Variants in TTC39B observed in about 807,000 individuals in gnomAD.
TTC39B encodes tetratricopeptide repeat protein 39B.
In TTC39B, 92 loss-of-function variants were observed where a neutral mutation model predicts 96.6. The observed-to-expected ratio is 0.95, with a 90% CI of 0.80 to 1.13. The LOEUF is 1.13. Ranked by LOEUF, TTC39B falls within the 50% of genes most tolerant of loss-of-function variation. The pLI, the probability that TTC39B is intolerant of heterozygous loss-of-function variation, is 0.00. For missense variants in TTC39B, 955 were observed against 809.3 expected, an observed-to-expected ratio of 1.18 and a Z score of -2.18; for synonymous variants, 367 against 299.4, an observed-to-expected ratio of 1.23 and a Z score of -2.33.
intron 1 of TTC39B, among the ~76,000 whole-genome samples, chr9:15,301,600 C>CA (rs1396728538): frequency 6.6e-6 from 1 of 151,714 alleles, no homozygotes; most frequent in Non-Finnish European, 1.5e-5. Flanking sequence ...ATTAAAAATA[C>CA]AAAAAATTGG....
At chr9:15,218,573 T>C (rs1820656744) in intron 3 of TTC39B, among the ~76,000 whole-genome samples, 2 of 145,816 alleles carry the variant, frequency 1.4e-5, no homozygotes, top group African/African-American at 2.6e-5. Context: ...TGACGACTCC[T>C]CATGTTTCTA....
intron 2 of TTC39B, among the ~76,000 whole-genome samples, chr9:15,228,834 G>C (rs4272489): frequency 0.089 from 13,613 of 152,180 alleles, 1,354 homozygotes; most frequent in East Asian, 0.59. Flanking sequence ...TGGCACAACA[G>C]ACTTGACTTT....
intron 1 of TTC39B, among the ~76,000 whole-genome samples, chr9:15,277,557 GCCAACACAGTGAGACATTGC>G (rs1172543321): frequency 2.0e-4 from 31 of 151,934 alleles, no homozygotes; most frequent in African/African-American, 7.3e-4. Flanking sequence ...TGAGACCTTG[GCCAACACAGTGAGACATTGC>G]CCAACACAGT....
intron 6 of TTC39B, among the ~76,000 whole-genome samples, chr9:15,206,676 A>C (rs1487022094): frequency 6.6e-6 from 1 of 152,192 alleles, no homozygotes; most frequent in East Asian, 1.9e-4. Flanking sequence ...AAATAAGCTA[A>C]GTTTATTTAG....
chr9:15,177,963 G>A (rs538151226), intron 17 of TTC39B, 149 bp from the exon 18 acceptor site: 38 of 460,830 alleles, frequency 8.2e-5, no homozygotes, highest in African/African-American at 4.6e-4. Context: ...TCCGTCTCCC[G>A]GGTTCACGCC....
intron 2 of TTC39B, among the ~76,000 whole-genome samples, chr9:15,242,412 T>A (rs1243106750): frequency 6.6e-6 from 1 of 152,152 alleles, no homozygotes; most frequent in East Asian, 1.9e-4. Flanking sequence ...GGAGACCCCA[T>A]CTCTACAAAA....
At chr9:15,263,778 C>T (rs1389600953) in intron 2 of TTC39B, among the ~76,000 whole-genome samples, 1 of 152,136 alleles carries the variant, frequency 6.6e-6, no homozygotes, top group Non-Finnish European at 1.5e-5. Flanking sequence ...TGATTTTGGG[C>T]TCTATCTCTC....
rs141411377 is a variant in TTC39B, at chr9:15,192,646, C to T, written c.874G>A (p.Glu292Lys). 9.9e-6 allele frequency: 16 copies of T among 1,613,940 alleles called. No homozygotes were observed. The African/African-American group carries it at 1.7e-4, about 18-fold the overall frequency. ...CCCCCTTCAAACTCATAGAAGAATT[C>T]CTGCTGAAGTTTGTTCTTCTGAATT... Residue 292 changes from glutamate (E) to lysine (K), a missense_variant, in exon 9 of 20, where the codon GAA (glutamate) becomes AAA (lysine). Glu to Lys is a moderately conservative substitution (Grantham distance 56). Transcript: ENST00000512701.
intron 3 of TTC39B, among the ~76,000 whole-genome samples, chr9:15,222,628 T>C (rs745664318): frequency 1.9e-4 from 29 of 152,212 alleles, no homozygotes; most frequent in Non-Finnish European, 3.2e-4. Flanking sequence ...TGTGTAATTC[T>C]GGGATTTCCC....
At chr9:15,250,054 C>A in intron 2 of TTC39B, 1 of 1,283,464 alleles carries the variant, frequency 7.8e-7, no homozygotes, top group Non-Finnish European at 1.0e-6. Context: ...AACAAAAATC[C>A]TCAATTTCTA....
rs1406923593 is a variant in TTC39B at position 15,214,360 on chromosome 9, GTC to G, written c.372-113_372-112del. The stretch of plus-strand genomic sequence containing the variant: ...TGTGTGTGTGTGTCTGTGTGTGTGT[GTC>G]TGTGTGTGTGTCTGTGTGTGGATTC... On this transcript the variant is annotated intron_variant, in intron 3 of 19. Transcript: ENST00000512701. 730 of 702,010 alleles carry G rather than the reference GTC, an allele frequency of 1.0e-3. 4 individuals carry two copies. The highest frequency in any genetic ancestry group is 4.2e-3 in the East Asian group (146 of 34,480). 43.5% of individuals were successfully genotyped at this position (702,010 alleles called of 1,614,324 possible). A position where few individuals can be genotyped will look rare whatever the true frequency, so the allele number is the denominator to read the frequency against.
At chr9:15,187,884 A>C in intron 14 of TTC39B, 87 bp downstream of exon 14, 1 of 1,363,820 alleles carries the variant, frequency 7.3e-7, no homozygotes, top group Non-Finnish European at 9.8e-7. Flanking sequence ...CTGTGGTATC[A>C]TACTACTGAG....
intron 2 of TTC39B, among the ~76,000 whole-genome samples, chr9:15,234,611 T>C (rs1167960749): frequency 1.3e-5 from 2 of 152,050 alleles, no homozygotes; most frequent in Non-Finnish European, 2.9e-5. Context: ...GGGAAAAGAT[T>C]GAGAAATCGG....
chr9:15,182,496 GT>G (rs1458290545), intron 16 of TTC39B, 81 bp from the exon 17 acceptor site: 3 of 964,882 alleles, frequency 3.1e-6, no homozygotes, highest in Non-Finnish European at 4.6e-6. Flanking sequence ...ATGTTCATGT[GT>G]TTTGCTTCGG....
intron 15 of TTC39B, among the ~76,000 whole-genome samples, chr9:15,186,335 A>G (rs1818523244): frequency 1.3e-5 from 2 of 152,172 alleles, no homozygotes; most frequent in Admixed American, 6.6e-5. Context: ...AGGGGTCAGA[A>G]GCATGTCTCA....
chr9:15,305,216 T>C (rs1447184252), intron 1 of TTC39B, among the ~76,000 whole-genome samples: 1 of 152,202 alleles, frequency 6.6e-6, no homozygotes, highest in Non-Finnish European at 1.5e-5. Flanking sequence ...CTTGCTTACA[T>C]TTACTTGAGC....
chr9:15,191,117 T>C (rs1039897244), intron 10 of TTC39B, 73 bp downstream of exon 10: 2 of 1,022,256 alleles, frequency 2.0e-6, no homozygotes. Flanking sequence ...TGCAGACATG[T>C]TGCATTGCCC....
chr9:15,242,086 G>C (rs149710856), intron 2 of TTC39B, among the ~76,000 whole-genome samples: 25 of 152,232 alleles, frequency 1.6e-4, no homozygotes, highest in African/African-American at 6.0e-4. Flanking sequence ...CTCTTAATCA[G>C]AGTACAAACT....
chr9:15,287,010 C>CT (rs1823996657), intron 1 of TTC39B, among the ~76,000 whole-genome samples: 1 of 140,434 alleles, frequency 7.1e-6, no homozygotes, highest in Non-Finnish European at 1.6e-5. Flanking sequence ...TCTTAGAAGG[C>CT]TAAGGAATAG....
Sources: allele counts gnomAD v4.1 joint callset (sites outside exome capture counted in the v4.1 genomes callset), GRCh38; gene constraint gnomAD v4.1.1; transcripts MANE v1.5; gene names NCBI Gene and HGNC (gene_info 2026-07-23, HGNC 2026-07-21).